Variants in USP13 observed in about 807,000 individuals in gnomAD.
USP13 encodes the protein ubiquitin carboxyl-terminal hydrolase 13.
In USP13, 68 loss-of-function variants were observed where a neutral mutation model predicts 107.8. That is an observed-to-expected ratio of 0.63 (90% CI 0.52 to 0.77). The LOEUF (loss-of-function observed/expected upper bound fraction) is 0.77, where lower values mean the gene tolerates loss of function less well. Among genes scored for constraint, USP13 ranks in the 30% least tolerant of loss-of-function variants. The pLI is 0.00. For synonymous variants in USP13, 377 were observed against 389.5 expected, an observed-to-expected ratio of 0.97 and a Z score of 0.38; for missense variants, 945 against 1,093.3, an observed-to-expected ratio of 0.86 and a Z score of 1.91.
At chr3:179,774,171 G>GT (rs1329263067) in intron 19 of USP13, among the ~76,000 whole-genome samples, 1 of 152,102 alleles carries the variant, frequency 6.6e-6, no homozygotes, top group African/African-American at 2.4e-5. Context: ...GAGGTGTCAT[G>GT]TTTTTTTAAA....
chr3:179,681,804 TC>T lies in USP13; in HGVS notation c.169-71del, dbSNP rs1711665731. On this transcript the variant is annotated intron_variant, in intron 1 of 20. Coordinates refer to ENST00000263966, the MANE Select transcript of USP13 (RefSeq NM_003940.3). ...CCTCGTCTTCAGCGTTTGCCTTCCTTCCCTTTCCCTCTTTCTACATCTGACT... is the reference window on the plus strand; with the variant it reads ...CCTCGTCTTCAGCGTTTGCCTTCCTTCCTTTCCCTCTTTCTACATCTGACT... The T allele has an allele frequency of 5.9e-6, 9 of 1,523,908 alleles. No individual in the cohort carries two copies. The South Asian group carries it at 9.2e-5, about 16-fold the overall frequency. 94.4% of individuals were successfully genotyped at this position (1,523,908 alleles called of 1,614,324 possible). A position where few individuals can be genotyped will look rare whatever the true frequency, so the allele number is the denominator to read the frequency against.
At chr3:179,720,647 T>C (rs953073253) in intron 7 of USP13, among the ~76,000 whole-genome samples, 2 of 152,160 alleles carry the variant, frequency 1.3e-5, no homozygotes, top group Non-Finnish European at 2.9e-5. Context: ...ATTTTTACTT[T>C]TTTGTTTAGT....
rs887117174 is a variant in USP13, at chr3:179,786,719, T to G, written c.*2578T>G. 5.3e-5 allele frequency: 8 copies of G among 152,270 alleles called. No individual in the cohort carries two copies. The highest frequency in any genetic ancestry group is 1.9e-4 in the African/African-American group (8 of 41,466). The allele number at this position is 152,270 out of a possible 1,614,324, so 9.4% of individuals were successfully genotyped here. The stretch of plus-strand genomic sequence containing the variant: ...AATGTACTGCTTAATTTTACACTTG[T>G]GTAGACACGATTATTTGTGACTGAA... On this transcript the variant is annotated 3_prime_UTR_variant, in exon 21 of 21. Transcript: ENST00000263966.
chr3:179,653,566 A>T lies in USP13; in HGVS notation c.168+173A>T, dbSNP rs528547727. 106 of 911,000 alleles carry T rather than the reference A, an allele frequency of 1.2e-4. No homozygotes were observed. Among genetic ancestry groups the T allele is most frequent in the Non-Finnish European group, 1.6e-4 (98 of 628,984 alleles). 56.4% of individuals were successfully genotyped at this position (911,000 alleles called of 1,614,324 possible). Reference sequence around the variant, plus strand: ...TTAGTGAGCGCCCCAGGGCTGCTGCAGCCGAGGACTGGCTCGTGCTGGTGG... The same window carrying T: ...TTAGTGAGCGCCCCAGGGCTGCTGCTGCCGAGGACTGGCTCGTGCTGGTGG... On this transcript the variant is annotated intron_variant, in intron 1 of 20. Coordinates refer to ENST00000263966, the MANE Select transcript of USP13 (RefSeq NM_003940.3). This position sits in a 1 kb window ranked among gnomAD's most constrained non-coding sequence, Gnocchi z 4.0.
chr3:179,706,363 G>A (rs1039652512), intron 4 of USP13, among the ~76,000 whole-genome samples: 8 of 152,180 alleles, frequency 5.3e-5, no homozygotes, highest in Admixed American at 6.5e-5. Flanking sequence ...TTGGTGCCGA[G>A]CAGTTCATCA....
intron 10 of USP13, among the ~76,000 whole-genome samples, chr3:179,734,065 T>G (rs1713901226): frequency 6.6e-6 from 1 of 152,234 alleles, no homozygotes; most frequent in Non-Finnish European, 1.5e-5. Context: ...AGCCCAGTTA[T>G]GAGGGTTTCT....
At chr3:179,718,861 A>G (rs1411849527) in intron 6 of USP13, among the ~76,000 whole-genome samples, 1 of 151,536 alleles carries the variant, frequency 6.6e-6, no homozygotes, top group Non-Finnish European at 1.5e-5. Flanking sequence ...GGTTCACGCC[A>G]TTCTCCTGCC....
chr3:179,784,112 A>G lies in USP13; in HGVS notation c.2563A>G (p.Met855Val), dbSNP rs199943847. The G allele has an allele frequency of 1.6e-4, 265 of 1,613,166 alleles. No homozygotes were observed. Among genetic ancestry groups the G allele is most frequent in the Non-Finnish European group, 2.1e-4 (244 of 1,179,738 alleles). ...SERPPKDLGYMYFYRRIPS is the reference protein window; with the variant it reads ...SERPPKDLGYVYFYRRIPS ...AAGGCCCCCTAAAGACCTGGGCTAC[A>G]TGTACTTTTACCGCAGGATACCAAG... is the stretch of plus-strand genomic sequence containing the variant. The change falls in exon 21 of 21, where the codon ATG becomes GTG. Residue 855 changes from methionine (M) to valine (V), a missense_variant. Physicochemically the swap from Met to Val is conservative, Grantham distance 21. Coordinates refer to ENST00000263966, the MANE Select transcript of USP13 (RefSeq NM_003940.3).
intron 19 of USP13, among the ~76,000 whole-genome samples, chr3:179,770,747 G>T (rs1377695340): frequency 6.6e-6 from 1 of 152,070 alleles, no homozygotes; most frequent in Non-Finnish European, 1.5e-5. Context: ...TAGGATTACA[G>T]GCACGCGCCA....
At chr3:179,768,936 G>A (rs1406434491) in intron 19 of USP13, among the ~76,000 whole-genome samples, 1 of 151,868 alleles carries the variant, frequency 6.6e-6, no homozygotes, top group East Asian at 1.9e-4. Flanking sequence ...TTATATTGAA[G>A]GATATATATT....
chr3:179,779,232 TAAAA>T (rs71182517), intron 19 of USP13, among the ~76,000 whole-genome samples: 37 of 145,048 alleles, frequency 2.6e-4, no homozygotes, highest in Admixed American at 2.1e-3. Flanking sequence ...TGACTTCCAT[TAAAA>T]AAAAAAAGAC....
chr3:179,775,711 TG>T (rs1256984926), intron 19 of USP13, among the ~76,000 whole-genome samples: 1 of 152,178 alleles, frequency 6.6e-6, no homozygotes, highest in Admixed American at 6.5e-5. Context: ...GCCAGCAGGC[TG>T]GCACTGCTGG....
At chr3:179,666,644 C>T (rs541106234) in intron 1 of USP13, among the ~76,000 whole-genome samples, 2 of 152,286 alleles carry the variant, frequency 1.3e-5, no homozygotes, top group East Asian at 3.9e-4. Flanking sequence ...TCTCTCCTGC[C>T]CCGCAGGAAA....
intron 6 of USP13, among the ~76,000 whole-genome samples, chr3:179,710,102 A>G (rs1167192025): frequency 1.3e-5 from 2 of 152,226 alleles, no homozygotes; most frequent in African/African-American, 4.8e-5. Flanking sequence ...AACTCATTAA[A>G]GACAAGTAGC....
chr3:179,709,446 A>C (rs540270868), intron 6 of USP13, among the ~76,000 whole-genome samples: 2 of 152,324 alleles, frequency 1.3e-5, no homozygotes, highest in African/African-American at 4.8e-5. Flanking sequence ...GATACTGTGC[A>C]TTAAAAGAGT....
At chr3:179,657,528 T>C (rs930329580) in intron 1 of USP13, among the ~76,000 whole-genome samples, 7 of 151,998 alleles carry the variant, frequency 4.6e-5, no homozygotes, top group African/African-American at 1.7e-4. Flanking sequence ...TTTGGGAGGC[T>C]GAGGTGGACA....
rs1034985473 is a variant in USP13, at chr3:179,744,963, G to A, written c.1535-80G>A. ...CTGGCCCAGCGCAGAAGCCTTCAGG[G>A]AAGACTGTCCAAAGAGGGTGCTTTT... On this transcript the variant is annotated intron_variant, in intron 12 of 20. Transcript: ENST00000263966. 9 of 1,560,900 alleles carry A rather than the reference G, an allele frequency of 5.8e-6. No homozygotes were observed. In the African/African-American group the frequency reaches 1.2e-4, roughly 21 times the overall value.
intron 8 of USP13, among the ~76,000 whole-genome samples, chr3:179,729,480 A>AT (rs1052120803): frequency 8.3e-4 from 125 of 151,134 alleles, no homozygotes; most frequent in East Asian, 2.9e-3. Flanking sequence ...TTATTTATTT[A>AT]TTTTTTTTTG....
chr3:179,737,710 G>A (rs1161865365), intron 10 of USP13, among the ~76,000 whole-genome samples: 1 of 152,238 alleles, frequency 6.6e-6, no homozygotes, highest in Non-Finnish European at 1.5e-5. Flanking sequence ...ATGCCCAAAT[G>A]CTGCCACTTT....
Sources: allele counts gnomAD v4.1 joint callset (sites outside exome capture counted in the v4.1 genomes callset), GRCh38; gene constraint gnomAD v4.1.1; non-coding constraint Gnocchi (gnomAD v3.1); transcripts MANE v1.5; gene names NCBI Gene and HGNC (gene_info 2026-07-23, HGNC 2026-07-21).